ZFPM2: variants seen among roughly 807,000 people sequenced by gnomAD.
The protein encoded by ZFPM2 is zinc finger protein, FOG family member 2.
Under a neutral mutation model 98.6 loss-of-function variants are expected in ZFPM2, and 20 were observed. The observed-to-expected ratio is 0.20, with a 90% CI of 0.14 to 0.29. The LOEUF is 0.29. Among genes scored for constraint, ZFPM2 ranks in the 10% least tolerant of loss-of-function variants. The pLI is 1.00. For synonymous variants in ZFPM2, 518 were observed against 502.7 expected, an observed-to-expected ratio of 1.03 and a Z score of -0.41; for missense variants, 1,310 against 1,388.6, an observed-to-expected ratio of 0.94 and a Z score of 0.90.
At chr8:105,689,763 T>C (rs1810833458) in intron 5 of ZFPM2, among the ~76,000 whole-genome samples, 1 of 152,152 alleles carries the variant, frequency 6.6e-6, no homozygotes, top group African/African-American at 2.4e-5. Context: ...ACTGCTTTGG[T>C]TTCATTTTTA....
chr8:105,327,833 C>T (rs1803220440), intron 1 of ZFPM2, among the ~76,000 whole-genome samples: 1 of 151,714 alleles, frequency 6.6e-6, no homozygotes, highest in East Asian at 1.9e-4. Context: ...TTTTTTATTA[C>T]TTACAATAGC....
At chr8:105,621,335 A>G (rs1816540153) in intron 4 of ZFPM2, among the ~76,000 whole-genome samples, 2 of 152,054 alleles carry the variant, frequency 1.3e-5, no homozygotes, top group Admixed American at 1.3e-4. Context: ...TTTGTCTGTT[A>G]TTAGTGTATA....
At chr8:105,543,375 A>T (rs1814622681) in intron 3 of ZFPM2, among the ~76,000 whole-genome samples, 2 of 152,064 alleles carry the variant, frequency 1.3e-5, no homozygotes, top group South Asian at 4.1e-4. Context: ...GGTCCCAGCT[A>T]CTCAGGAGGC....
chr8:105,516,096 T>C (rs1813915986), intron 3 of ZFPM2, among the ~76,000 whole-genome samples: 1 of 151,898 alleles, frequency 6.6e-6, no homozygotes, highest in Admixed American at 6.6e-5. Context: ...TGGCTAATTT[T>C]TGTATTTTTA....
intron 5 of ZFPM2, among the ~76,000 whole-genome samples, chr8:105,712,758 C>G (rs1274837357): frequency 6.6e-6 from 1 of 152,026 alleles, no homozygotes; most frequent in African/African-American, 2.4e-5. Context: ...ATCTTCATGT[C>G]CAAGTGTATT....
intron 4 of ZFPM2, among the ~76,000 whole-genome samples, chr8:105,620,813 G>C (rs4460342): frequency 0.13 from 19,525 of 151,906 alleles, 1,309 homozygotes; most frequent in South Asian, 0.22. Context: ...TCTTGTTTTT[G>C]TCAGGTTTGT....
At chr8:105,778,509 C>T (rs567831638) in intron 5 of ZFPM2, among the ~76,000 whole-genome samples, 9 of 144,606 alleles carry the variant, frequency 6.2e-5, no homozygotes, top group African/African-American at 2.0e-4. Flanking sequence ...TGTGTGTGTG[C>T]GTGTGTGTGT....
At chr8:105,705,201 A>G (rs1811227826) in intron 5 of ZFPM2, among the ~76,000 whole-genome samples, 3 of 152,110 alleles carry the variant, frequency 2.0e-5, no homozygotes, top group Admixed American at 2.0e-4. Flanking sequence ...TGTTATGTGA[A>G]GATATTTAAT....
chr8:105,502,679 C>T (rs186490745), intron 3 of ZFPM2, among the ~76,000 whole-genome samples: 2 of 152,276 alleles, frequency 1.3e-5, no homozygotes, highest in Admixed American at 1.3e-4. Flanking sequence ...TAATTTCCTT[C>T]TATGATAGAG....
At chr8:105,654,714 C>T (rs1817249970) in intron 5 of ZFPM2, among the ~76,000 whole-genome samples, 1 of 152,092 alleles carries the variant, frequency 6.6e-6, no homozygotes, top group Non-Finnish European at 1.5e-5. Context: ...GCAGCTCCAT[C>T]AGAACTGAGT....
At chr8:105,775,077 T>TAAAAAAA (rs397968210) in intron 5 of ZFPM2, among the ~76,000 whole-genome samples, 1 of 104,924 alleles carries the variant, frequency 9.5e-6, no homozygotes, top group African/African-American at 3.4e-5. Flanking sequence ...CTCTTGGAAT[T>TAAAAAAA]AAAAAAAAAA....
In ZFPM2 at chr8:105,803,884, A is replaced by G. The variant is rs777654400; in HGVS notation, c.*346A>G. The G allele has an allele frequency of 6.7e-5, 12 of 178,762 alleles. No individual in the cohort carries two copies. The highest frequency in any genetic ancestry group is 1.4e-4 in the Non-Finnish European group (12 of 83,890). The allele number at this position is 178,762 out of a possible 1,614,324, so 11.1% of individuals were successfully genotyped here. On this transcript the variant is annotated 3_prime_UTR_variant, in exon 8 of 8. Coordinates refer to ENST00000407775, the MANE Select transcript of ZFPM2 (RefSeq NM_012082.4). ...AGTAGCTTTTAAAGAAAATAGTCAC[A>G]ATACAGAAAAGCATTTTAGAAATAG...
intron 5 of ZFPM2, chr8:105,662,734 ATTAC>A (rs955328099): frequency 1.2e-4 from 18 of 151,236 alleles, no homozygotes; most frequent in Admixed American, 9.3e-4. Flanking sequence ...TAGATAAAGG[ATTAC>A]TCAATATACT....
At chr8:105,610,573 C>CA (rs1328090757) in intron 4 of ZFPM2, among the ~76,000 whole-genome samples, 1 of 151,834 alleles carries the variant, frequency 6.6e-6, no homozygotes, top group Non-Finnish European at 1.5e-5. Flanking sequence ...GTTTCTATGC[C>CA]AAATTGCATT....
chr8:105,586,411 T>TA (rs1348907630), intron 4 of ZFPM2, among the ~76,000 whole-genome samples: 2 of 149,540 alleles, frequency 1.3e-5, no homozygotes, highest in Non-Finnish European at 3.0e-5. Flanking sequence ...TGGAATTTTT[T>TA]TATTATTATT....
rs1178209726 is a variant in ZFPM2, at chr8:105,360,764, A to G, written c.40+41783A>G. Among the ~76,000 whole-genome samples, 519 of 143,818 alleles carry G rather than the reference A, an allele frequency of 3.6e-3. 2 individuals are homozygous for G. Among genetic ancestry groups the G allele is most frequent in the African/African-American group, 0.012 (480 of 38,550 alleles). 94.4% of individuals were successfully genotyped at this position (143,818 alleles called of 152,430 possible). A position where few individuals can be genotyped will look rare whatever the true frequency, so the allele number is the denominator to read the frequency against. On this transcript the variant is annotated intron_variant, in intron 1 of 7. Transcript: ENST00000407775. ...TTGCGATAGTTTACTGAGAATGATG[A>G]TTTCCAATTTCATCCATGTCCCTAC... is the stretch of plus-strand genomic sequence containing the variant.
At chr8:105,657,431 A>T (rs1817306997) in intron 5 of ZFPM2, among the ~76,000 whole-genome samples, 1 of 152,032 alleles carries the variant, frequency 6.6e-6, no homozygotes, top group South Asian at 2.1e-4. Flanking sequence ...GAGCCATCGC[A>T]CCTGGCCGTA....
At chr8:105,670,436 C>T in intron 5 of ZFPM2, among the ~76,000 whole-genome samples, 1 of 134,590 alleles carries the variant, frequency 7.4e-6, no homozygotes, top group East Asian at 2.2e-4. Context: ...GCGGAGCTTG[C>T]AGTGAGCCGA....
intron 5 of ZFPM2, among the ~76,000 whole-genome samples, chr8:105,740,889 T>G (rs1812199790): frequency 6.6e-6 from 1 of 152,062 alleles, no homozygotes; most frequent in Non-Finnish European, 1.5e-5. Context: ...GTTTGCAATT[T>G]CAGATAAGTT....
Sources: allele counts gnomAD v4.1 joint callset (sites outside exome capture counted in the v4.1 genomes callset), GRCh38; gene constraint gnomAD v4.1.1; transcripts MANE v1.5; gene names NCBI Gene and HGNC (gene_info 2026-07-23, HGNC 2026-07-21).